TSGA10: variants seen among roughly 807,000 people sequenced by gnomAD.
TSGA10 encodes the protein testis specific 10, also known as testis-specific gene 10 protein.
A neutral mutation model predicts 96.6 loss-of-function variants in TSGA10; 43 were observed. The observed-to-expected ratio is 0.44, with a 90% CI of 0.35 to 0.57. The LOEUF (loss-of-function observed/expected upper bound fraction) is 0.57, where lower values mean the gene tolerates loss of function less well. TSGA10 is among the 20% of genes least tolerant of loss of function. The pLI, the probability that TSGA10 is intolerant of heterozygous loss-of-function variation, is 0.01. For synonymous variants in TSGA10, 229 were observed against 269.9 expected (o/e 0.85, Z 1.48); for missense variants, 703 against 834.4 (o/e 0.84, Z 1.94).
At chr2:99,125,852 T>G (rs1282855420) in intron 2 of TSGA10, 1 of 152,228 alleles carries the variant, frequency 6.6e-6, no homozygotes, top group Non-Finnish European at 1.5e-5. Flanking sequence ...CAGAGGTGCC[T>G]CATTACAGTT....
At chr2:99,134,675 T>C (rs1202361771) in intron 1 of TSGA10, among the ~76,000 whole-genome samples, 1 of 152,084 alleles carries the variant, frequency 6.6e-6, no homozygotes, top group Non-Finnish European at 1.5e-5. Context: ...GTTTTTGAAA[T>C]TTTCAGCCTT....
chr2:99,150,943 A>T (rs541068536), intron 1 of TSGA10: 3 of 686,722 alleles, frequency 4.4e-6, no homozygotes, highest in Non-Finnish European at 7.5e-6. Flanking sequence ...ATGGAAGACT[A>T]TTGCCTTATT....
intron 16 of TSGA10, among the ~76,000 whole-genome samples, chr2:99,046,399 A>C (rs2082778496): frequency 6.6e-6 from 1 of 152,120 alleles, no homozygotes; most frequent in South Asian, 2.1e-4. Flanking sequence ...CAATCAACTA[A>C]AACTCAGGAT....
At chr2:99,022,382 G>C in intron 17 of TSGA10, among the ~76,000 whole-genome samples, 1 of 147,698 alleles carries the variant, frequency 6.8e-6, no homozygotes, top group Non-Finnish European at 1.5e-5. Context: ...TCTGGCCCTA[G>C]GCAACCCCTA....
At chr2:99,062,255 T>C (rs923467967) in intron 16 of TSGA10, among the ~76,000 whole-genome samples, 10 of 152,114 alleles carry the variant, frequency 6.6e-5, no homozygotes, top group African/African-American at 2.4e-4. Flanking sequence ...TTCAAGGTCA[T>C]GTAGAATATT....
chr2:99,052,238 A>G (rs1354806573), intron 16 of TSGA10, among the ~76,000 whole-genome samples: 2 of 151,968 alleles, frequency 1.3e-5, no homozygotes, highest in Non-Finnish European at 2.9e-5. Flanking sequence ...AACTTTAGCC[A>G]AACTAAGAAA....
At chr2:99,054,758 G>T (rs1041897371) in intron 16 of TSGA10, among the ~76,000 whole-genome samples, 2 of 152,058 alleles carry the variant, frequency 1.3e-5, no homozygotes, top group African/African-American at 4.8e-5. Flanking sequence ...ACTCGACATT[G>T]GTAATCATTA....
At chr2:99,120,675 G>A (rs375647659) in intron 2 of TSGA10, among the ~76,000 whole-genome samples, 18 of 152,170 alleles carry the variant, frequency 1.2e-4, no homozygotes, top group East Asian at 1.9e-4. Flanking sequence ...CTCAGTTTCC[G>A]CTGATAGTTG....
At chr2:99,147,569 G>A in intron 1 of TSGA10, 1 of 1,227,740 alleles carries the variant, frequency 8.1e-7, no homozygotes, top group Non-Finnish European at 1.2e-6. Flanking sequence ...GAAGTTTAAT[G>A]TGCAAATTGA....
At chr2:99,068,430 T>C (rs1232662186) in intron 15 of TSGA10, among the ~76,000 whole-genome samples, 1 of 152,194 alleles carries the variant, frequency 6.6e-6, no homozygotes, top group Non-Finnish European at 1.5e-5. Flanking sequence ...TCTGATGTCA[T>C]GTACATGTGC....
chr2:99,068,921 C>T lies in TSGA10; in HGVS notation c.1185G>A (p.Glu395=), dbSNP rs1247282638. 6 of 1,463,078 alleles carry T rather than the reference C, an allele frequency of 4.1e-6. No homozygotes were observed. Among genetic ancestry groups the T allele is most frequent in the Non-Finnish European group, 5.4e-6 (6 of 1,110,998 alleles). The allele number at this position is 1,463,078 out of a possible 1,614,324, so 90.6% of individuals were successfully genotyped here. ...IKQKVQDTNL[E]VNKLKNILKS... ...TTAATATATTCTTCAGCTTGTTAAC[C>T]TCCAAATTAGTATCTTGAACCTTCT... is the stretch of plus-strand genomic sequence containing the variant. Residue 395 remains glutamate, a synonymous_variant, in exon 15 of 21, where the codon GAG becomes GAA. Coordinates refer to ENST00000393483, the MANE Select transcript of TSGA10 (RefSeq NM_025244.4).
At chr2:99,043,924 C>CA (rs1267287294) in intron 16 of TSGA10, among the ~76,000 whole-genome samples, 1 of 152,094 alleles carries the variant, frequency 6.6e-6, no homozygotes, top group Non-Finnish European at 1.5e-5. Context: ...CATATCCAGC[C>CA]AAACTAAGCT....
chr2:99,147,348 T>C (rs2093642756), intron 1 of TSGA10: 4 of 999,732 alleles, frequency 4.0e-6, no homozygotes, highest in Non-Finnish European at 4.6e-6. Context: ...TTGTTCTTTT[T>C]CTCCAGATTG....
chr2:99,072,489 A>G (rs2086096564), intron 13 of TSGA10, among the ~76,000 whole-genome samples: 1 of 152,182 alleles, frequency 6.6e-6, no homozygotes, highest in African/African-American at 2.4e-5. Flanking sequence ...GTCCCTGGCC[A>G]GAAACTTGGC....
At chr2:99,033,334 C>G (rs548874994) in intron 17 of TSGA10, among the ~76,000 whole-genome samples, 2 of 152,184 alleles carry the variant, frequency 1.3e-5, no homozygotes, top group African/African-American at 4.8e-5. Flanking sequence ...CTCTTATATA[C>G]AGAAGTGAGA....
At chr2:99,140,709 G>A (rs1035655344) in intron 1 of TSGA10, among the ~76,000 whole-genome samples, 2 of 152,134 alleles carry the variant, frequency 1.3e-5, no homozygotes. Flanking sequence ...AGAAATGAGC[G>A]ATCGGGAGTC....
At chr2:99,127,275 A>G in intron 1 of TSGA10, 99 bp from the exon 2 acceptor site, 1 of 1,002,104 alleles carries the variant, frequency 1.0e-6, no homozygotes, top group Non-Finnish European at 1.3e-6. Flanking sequence ...ATATTCTTAG[A>G]TTTTTTTTAA....
rs1001153875 is a variant in TSGA10, at chr2:99,154,753, G to C, written c.-681C>G. On this transcript the variant is annotated 5_prime_UTR_variant, in exon 1 of 21. Coordinates refer to ENST00000393483, the MANE Select transcript of TSGA10 (RefSeq NM_025244.4). ...ACGCGGGGAAGTCCCATCTGAACTG[G>C]GGCCTTATGACCTTCGGTACTTTTA... 2.3e-5 allele frequency: 7 copies of C among 300,584 alleles called. No homozygotes were observed. The highest frequency in any genetic ancestry group is 4.6e-5 in the Non-Finnish European group (7 of 151,572). 18.6% of individuals were successfully genotyped at this position (300,584 alleles called of 1,614,324 possible).
intron 1 of TSGA10, chr2:99,141,475 C>A (rs1442301229): frequency 6.2e-6 from 1 of 161,096 alleles, no homozygotes; most frequent in Non-Finnish European, 1.4e-5. Flanking sequence ...TGCGCGCGCT[C>A]CTACGCACGG....
Sources: allele counts gnomAD v4.1 joint callset (sites outside exome capture counted in the v4.1 genomes callset), GRCh38; gene constraint gnomAD v4.1.1; transcripts MANE v1.5; gene names NCBI Gene and HGNC (gene_info 2026-07-23, HGNC 2026-07-21).